Variants in ZFAT observed in about 807,000 individuals in gnomAD.
ZFAT encodes the protein zinc finger protein ZFAT.
A neutral mutation model predicts 117.7 loss-of-function variants in ZFAT; 64 were observed. That is an observed-to-expected ratio of 0.54 (90% CI 0.44 to 0.67). The LOEUF (loss-of-function observed/expected upper bound fraction) is 0.67. Among genes scored for constraint, ZFAT ranks in the 30% least tolerant of loss-of-function variants. ZFAT has a pLI of 0.00. For missense variants in ZFAT, 1,433 were observed against 1,584.5 expected, an observed-to-expected ratio of 0.90 and a Z score of 1.62; for synonymous variants, 679 against 615.0, an observed-to-expected ratio of 1.10 and a Z score of -1.54.
intron 15 of ZFAT, among the ~76,000 whole-genome samples, chr8:134,488,326 G>A (rs751987274): frequency 3.3e-5 from 5 of 152,224 alleles, no homozygotes; most frequent in Non-Finnish European, 7.3e-5. Flanking sequence ...AGGCTAACAT[G>A]GGGAACAGGT....
At chr8:134,499,209 G>C (rs1171429966) in intron 15 of ZFAT, among the ~76,000 whole-genome samples, 8 of 127,776 alleles carry the variant, frequency 6.3e-5, no homozygotes, top group East Asian at 2.4e-4. Flanking sequence ...GGAGGGTTGG[G>C]GTGGAGCTGG....
At chr8:134,678,695 A>G (rs1832922587) in intron 1 of ZFAT, among the ~76,000 whole-genome samples, 1 of 152,216 alleles carries the variant, frequency 6.6e-6, no homozygotes, top group East Asian at 1.9e-4. Context: ...ACTATACTAC[A>G]AGGCTACAGC....
chr8:134,746,633 T>G, the ZFAT span, among the ~76,000 whole-genome samples: 1 of 152,176 alleles, frequency 6.6e-6, no homozygotes, highest in Non-Finnish European at 1.5e-5. Flanking sequence ...TTGGAACATG[T>G]TCAAATCCTT....
chr8:134,810,064 T>G, the ZFAT span, among the ~76,000 whole-genome samples: 1 of 152,168 alleles, frequency 6.6e-6, no homozygotes, highest in Non-Finnish European at 1.5e-5. Flanking sequence ...CTTTAGAGAC[T>G]TAACTAAACA....
At chr8:134,509,158 A>G (rs1819629106) in intron 15 of ZFAT, among the ~76,000 whole-genome samples, 1 of 152,228 alleles carries the variant, frequency 6.6e-6, no homozygotes, top group Admixed American at 6.5e-5. Flanking sequence ...TCTTCCTACC[A>G]GAGCAGTATC....
chr8:134,735,362 G>A, the ZFAT span, among the ~76,000 whole-genome samples: 1 of 152,178 alleles, frequency 6.6e-6, no homozygotes, highest in Non-Finnish European at 1.5e-5. Flanking sequence ...CTTACACATG[G>A]GAAGTAGCAG....
chr8:134,828,054 T>C, the ZFAT span, among the ~76,000 whole-genome samples: 4 of 152,228 alleles, frequency 2.6e-5, no homozygotes, highest in Admixed American at 2.6e-4. Context: ...TTAAAAATTG[T>C]AATTGTGTCC....
chr8:134,546,147 T>C (rs755935542), intron 11 of ZFAT, among the ~76,000 whole-genome samples: 11 of 152,218 alleles, frequency 7.2e-5, no homozygotes, highest in Non-Finnish European at 1.5e-4. Context: ...AAAAACTGCA[T>C]TGATACTATA....
chr8:134,601,708 T>C lies in ZFAT; in HGVS notation c.2011A>G (p.Ser671Gly). Residue 671 changes from serine to glycine, a missense_variant, in exon 6 of 16, where the codon AGC becomes GGC. Ser to Gly is a moderately conservative substitution (Grantham distance 56). Transcript: ENST00000377838. ...AVLSAGDPDP[S>G]RCLRSNPAEA... ...GCTGGGTTTGACCTGAGACACCTGC[T>C]GGGATCTGGGTCACCAGCTGAAAGC... 1.9e-6 allele frequency: 3 copies of C among 1,613,318 alleles called. No individual in the cohort carries two copies. The highest frequency in any genetic ancestry group is 1.1e-5 in the South Asian group (1 of 90,986).
the ZFAT span, among the ~76,000 whole-genome samples, chr8:134,752,770 G>A: frequency 0.031 from 4,645 of 152,136 alleles, 111 homozygotes; most frequent in Middle Eastern, 0.078. Context: ...AGAGAGGGAG[G>A]GCATGCATGT....
the ZFAT span, chr8:134,794,171 G>A: frequency 2.0e-5 from 3 of 152,162 alleles, no homozygotes; most frequent in African/African-American, 7.2e-5. Flanking sequence ...ACCAAAGAAT[G>A]AGGTCATTAA....
chr8:134,513,401 G>A (rs1424829924), intron 13 of ZFAT, among the ~76,000 whole-genome samples: 2 of 152,044 alleles, frequency 1.3e-5, no homozygotes, highest in East Asian at 3.9e-4. Context: ...TCACCATGTT[G>A]GCCAGGATGG....
chr8:134,757,239 A>G, the ZFAT span, among the ~76,000 whole-genome samples: 177 of 150,198 alleles, frequency 1.2e-3, no homozygotes, highest in African/African-American at 4.1e-3. Context: ...CTGGTCTCAA[A>G]CTCCTGACCT....
At chr8:134,607,492 A>C (rs1423064339) in intron 5 of ZFAT, among the ~76,000 whole-genome samples, 1 of 152,242 alleles carries the variant, frequency 6.6e-6, no homozygotes, top group Non-Finnish European at 1.5e-5. Flanking sequence ...GTTAGATGCA[A>C]AGTAACGTGT....
At chr8:134,556,978 T>C (rs1473724128) in intron 11 of ZFAT, among the ~76,000 whole-genome samples, 7 of 151,982 alleles carry the variant, frequency 4.6e-5, no homozygotes, top group Admixed American at 4.6e-4. Context: ...CATTATGTAT[T>C]TTTAAAATAT....
chr8:134,705,176 A>G (rs1471099553), intron 1 of ZFAT, among the ~76,000 whole-genome samples: 1 of 152,138 alleles, frequency 6.6e-6, no homozygotes, highest in Non-Finnish European at 1.5e-5. Flanking sequence ...ACAAAAAGAC[A>G]ATAAACCCTA....
chr8:134,609,593 A>G (rs1828164309), intron 4 of ZFAT, among the ~76,000 whole-genome samples: 1 of 152,234 alleles, frequency 6.6e-6, no homozygotes, highest in South Asian at 2.1e-4. Context: ...AGTTACTCTT[A>G]GCATTGAAAA....
the ZFAT span, among the ~76,000 whole-genome samples, chr8:134,764,592 G>A: frequency 6.6e-6 from 1 of 152,230 alleles, no homozygotes; most frequent in South Asian, 2.1e-4. Flanking sequence ...ATACAAGCTT[G>A]AATGTGGCTC....
At chr8:134,718,780 G>A in the ZFAT span, among the ~76,000 whole-genome samples, 1 of 152,178 alleles carries the variant, frequency 6.6e-6, no homozygotes, top group Non-Finnish European at 1.5e-5. Flanking sequence ...GCATTTATTT[G>A]TAGCTGTCAC....
Sources: gnomAD v4.1 joint callset for allele counts (sites outside exome capture counted in the v4.1 genomes callset) on GRCh38, gnomAD v4.1.1 for gene constraint, MANE v1.5 for transcripts, NCBI Gene and HGNC (gene_info 2026-07-23, HGNC 2026-07-21) for gene names.